COMMD1: variants seen among roughly 807,000 people sequenced by gnomAD.
COMMD1 encodes the protein COMM domain-containing protein 1.
A neutral mutation model predicts 17.2 loss-of-function variants in COMMD1; 10 were observed. The ratio of observed to expected loss-of-function variants is 0.58; its 90% CI spans 0.36 to 0.99. The LOEUF (loss-of-function observed/expected upper bound fraction) is 0.99. COMMD1 is among the 50% of genes least tolerant of loss of function. COMMD1 has a pLI of 0.01. For synonymous variants in COMMD1, 97 were observed against 91.6 expected (o/e 1.06, Z -0.34); for missense variants, 270 against 231.8 (o/e 1.17, Z -1.07).
intron 2 of COMMD1, among the ~76,000 whole-genome samples, chr2:62,115,664 T>C (rs909691976): frequency 1.1e-4 from 17 of 152,116 alleles, no homozygotes; most frequent in African/African-American, 3.9e-4. Flanking sequence ...AGTTAGGAAA[T>C]ATACACTAAG....
At chr2:62,003,540 C>CAA (rs559636343) in intron 2 of COMMD1, among the ~76,000 whole-genome samples, 1 of 109,348 alleles carries the variant, frequency 9.1e-6, no homozygotes. Context: ...GACTCCGTCT[C>CAA]AAAAAAAAAA....
At chr2:62,000,481 G>A (rs2103802822) in intron 1 of COMMD1, among the ~76,000 whole-genome samples, 1 of 151,066 alleles carries the variant, frequency 6.6e-6, no homozygotes, top group Admixed American at 6.6e-5. Context: ...TTTTAGTAGA[G>A]ACAGGGTTTC....
intron 1 of COMMD1, among the ~76,000 whole-genome samples, chr2:61,890,347 G>A (rs558941825): frequency 3.9e-5 from 6 of 152,234 alleles, no homozygotes; most frequent in Admixed American, 2.0e-4. Flanking sequence ...AGCCTCCCCA[G>A]TAGCTGGGAT....
intron 1 of COMMD1, among the ~76,000 whole-genome samples, chr2:61,961,609 G>A (rs762627852): frequency 6.6e-6 from 1 of 152,078 alleles, no homozygotes; most frequent in African/African-American, 2.4e-5. Flanking sequence ...AAATCTTTTT[G>A]TATAATTTAT....
At chr2:62,118,587 C>G (rs1483598999) in intron 2 of COMMD1, among the ~76,000 whole-genome samples, 5 of 152,120 alleles carry the variant, frequency 3.3e-5, no homozygotes, top group Non-Finnish European at 7.4e-5. Context: ...GTCTTCAGGG[C>G]TAGACTTTGG....
intron 2 of COMMD1, among the ~76,000 whole-genome samples, chr2:62,008,454 T>C (rs1669187530): frequency 6.6e-6 from 1 of 152,184 alleles, no homozygotes; most frequent in Admixed American, 6.5e-5. Context: ...GGATAGGATA[T>C]AGGGATTAAA....
At chr2:62,034,004 G>C (rs1207365830) in intron 2 of COMMD1, among the ~76,000 whole-genome samples, 2 of 151,138 alleles carry the variant, frequency 1.3e-5, no homozygotes, top group Non-Finnish European at 2.9e-5. Context: ...CAACTACTTG[G>C]GAGGCTGAGG....
chr2:61,915,275 G>A (rs1313326429), intron 1 of COMMD1, among the ~76,000 whole-genome samples: 1 of 152,018 alleles, frequency 6.6e-6, no homozygotes, highest in African/African-American at 2.4e-5. Flanking sequence ...CTAAGTGCTA[G>A]GATTACATGC....
intron 2 of COMMD1, among the ~76,000 whole-genome samples, chr2:62,092,520 C>G (rs1215656750): frequency 1.3e-5 from 2 of 152,114 alleles, no homozygotes; most frequent in Non-Finnish European, 2.9e-5. Context: ...AGAAGTGACT[C>G]CCTTTAACTT....
chr2:62,093,619 C>T (rs890347083), intron 2 of COMMD1, among the ~76,000 whole-genome samples: 1 of 152,186 alleles, frequency 6.6e-6, no homozygotes, highest in Non-Finnish European at 1.5e-5. Context: ...CCGTACAGGA[C>T]AGGCCATCTT....
intron 1 of COMMD1, among the ~76,000 whole-genome samples, chr2:61,968,546 A>C (rs539622506): frequency 6.6e-6 from 1 of 151,050 alleles, no homozygotes; most frequent in African/African-American, 2.4e-5. Context: ...AGAGTTTTGG[A>C]CCATTTTCCT....
chr2:62,094,194 A>G (rs1573178104), intron 2 of COMMD1, among the ~76,000 whole-genome samples: 1 of 152,190 alleles, frequency 6.6e-6, no homozygotes, highest in East Asian at 1.9e-4. Context: ...TAGCAGGGTC[A>G]AGAGTGTTAC....
intron 2 of COMMD1, chr2:62,090,932 C>G (rs1487542194): frequency 6.6e-6 from 1 of 152,220 alleles, no homozygotes; most frequent in African/African-American, 2.4e-5. Flanking sequence ...ACCTTTGAGC[C>G]TCATTTAACT....
intron 2 of COMMD1, among the ~76,000 whole-genome samples, chr2:62,037,921 C>T (rs1250531786): frequency 6.6e-6 from 1 of 152,170 alleles, no homozygotes; most frequent in East Asian, 1.9e-4. Flanking sequence ...ACATATTTTT[C>T]TCAGTTTTTC....
At chr2:61,889,457 C>G (rs1266312660) in intron 1 of COMMD1, among the ~76,000 whole-genome samples, 1 of 152,106 alleles carries the variant, frequency 6.6e-6, no homozygotes, top group Non-Finnish European at 1.5e-5. Context: ...GCGGTCCACC[C>G]TCCTCAGCGT....
intron 2 of COMMD1, among the ~76,000 whole-genome samples, chr2:62,015,630 G>C (rs528386189): frequency 1.3e-5 from 2 of 149,274 alleles, no homozygotes; most frequent in East Asian, 3.9e-4. Context: ...TCAATTTTAC[G>C]GTTTTTTGCA....
intron 2 of COMMD1, among the ~76,000 whole-genome samples, chr2:62,074,707 C>A (rs1671291651): frequency 5.9e-5 from 9 of 152,128 alleles, no homozygotes; most frequent in Admixed American, 5.9e-4. Flanking sequence ...GTGGTAAAAT[C>A]ATAACTAGGC....
chr2:61,992,854 C>G (rs753378353), intron 1 of COMMD1, among the ~76,000 whole-genome samples: 8 of 152,146 alleles, frequency 5.3e-5, no homozygotes, highest in Non-Finnish European at 1.2e-4. Flanking sequence ...TAATATAGTT[C>G]TATGCAGAGT....
intron 2 of COMMD1, among the ~76,000 whole-genome samples, chr2:62,018,027 C>T (rs901188311): frequency 4.8e-4 from 72 of 150,810 alleles, no homozygotes; most frequent in Non-Finnish European, 7.4e-5. Flanking sequence ...CCAGCCTGGG[C>T]GTCAGAGCAT....
Sources: allele counts gnomAD v4.1 joint callset (sites outside exome capture counted in the v4.1 genomes callset), GRCh38; gene constraint gnomAD v4.1.1; transcripts MANE v1.5; gene names NCBI Gene and HGNC (gene_info 2026-07-23, HGNC 2026-07-21).